The following MTMR9 variants were observed in gnomAD, a reference collection of about 807,000 sequenced individuals.
MTMR9 encodes the protein myotubularin related protein 9.
Under a neutral mutation model 69.5 loss-of-function variants are expected in MTMR9, and 39 were observed. The ratio of observed to expected loss-of-function variants is 0.56; its 90% CI spans 0.43 to 0.73. The LOEUF is 0.73. MTMR9 is among the 30% of genes least tolerant of loss of function. The pLI, the probability that MTMR9 is intolerant of heterozygous loss-of-function variation, is 0.00. For missense variants in MTMR9, 900 were observed against 671.2 expected (o/e 1.34, Z -3.77); for synonymous variants, 354 against 240.8 (o/e 1.47, Z -4.35).
At chr8:11,287,194 C>T (rs1259335160) in intron 1 of MTMR9, among the ~76,000 whole-genome samples, 2 of 152,146 alleles carry the variant, frequency 1.3e-5, no homozygotes, top group African/African-American at 2.4e-5. Flanking sequence ...GGCATATAGA[C>T]GCGTAGGAAA....
intron 6 of MTMR9, among the ~76,000 whole-genome samples, chr8:11,310,640 A>G (rs1585126013): frequency 6.6e-6 from 1 of 152,170 alleles, no homozygotes; most frequent in Non-Finnish European, 1.5e-5. Flanking sequence ...AACTGTGGGA[A>G]TTAAAGACCA....
intron 9 of MTMR9, chr8:11,320,204 G>T (rs1295593783): frequency 1.6e-5 from 3 of 187,990 alleles, no homozygotes; most frequent in Non-Finnish European, 3.3e-5. Context: ...CAGTCATTAG[G>T]ATAGGTTCTT....
intron 5 of MTMR9, among the ~76,000 whole-genome samples, chr8:11,308,861 A>G (rs1800072182): frequency 6.6e-6 from 1 of 152,116 alleles, no homozygotes; most frequent in African/African-American, 2.4e-5. Context: ...AGTCCCTTTC[A>G]CTAGCATTCT....
intron 6 of MTMR9, among the ~76,000 whole-genome samples, chr8:11,310,679 CATA>C (rs1563279378): frequency 6.6e-6 from 1 of 152,144 alleles, no homozygotes. Context: ...ATAACAAATA[CATA>C]ATGATTTTGT....
chr8:11,312,885 C>T (rs1424028535), intron 6 of MTMR9, among the ~76,000 whole-genome samples: 1 of 152,218 alleles, frequency 6.6e-6, no homozygotes, highest in African/African-American at 2.4e-5. Context: ...ACCTCTCCAT[C>T]AGAGCTCTTA....
In MTMR9 at chr8:11,309,462, T is replaced by C. The variant is rs1236529153; in HGVS notation, c.810-65T>C. 25 of 1,411,900 alleles carry C rather than the reference T, an allele frequency of 1.8e-5. No homozygotes were observed. In the East Asian group the frequency reaches 4.1e-4, roughly 23 times the overall value. 87.5% of individuals were successfully genotyped at this position (1,411,900 alleles called of 1,614,324 possible). On this transcript the variant is annotated intron_variant, in intron 5 of 9. Coordinates refer to ENST00000221086, the MANE Select transcript of MTMR9 (RefSeq NM_015458.4). ...TTAGATATGTTGGAGGCTGAATCTTTGGTTTGGTTTCTTTATCTTTCTATT... is the reference window on the plus strand; with the variant it reads ...TTAGATATGTTGGAGGCTGAATCTTCGGTTTGGTTTCTTTATCTTTCTATT...
At chr8:11,332,722 C>T (rs2117504638), downstream of MTMR9, among the ~76,000 whole-genome samples, 1 of 152,260 alleles carries the variant, frequency 6.6e-6, no homozygotes, top group East Asian at 1.9e-4. Flanking sequence ...CTACATCAGC[C>T]TCCCAAGTAG....
At chr8:11,299,597 C>G (rs1799680196) in intron 2 of MTMR9, among the ~76,000 whole-genome samples, 1 of 152,188 alleles carries the variant, frequency 6.6e-6, no homozygotes. Context: ...CTAACCCACC[C>G]TGATTTCAAA....
At chr8:11,333,574 C>G in the MTMR9 span, among the ~76,000 whole-genome samples, 1 of 152,050 alleles carries the variant, frequency 6.6e-6, no homozygotes, top group East Asian at 1.9e-4. Context: ...AGAAGTATCT[C>G]CACGACAGAT....
intron 2 of MTMR9, chr8:11,297,877 C>A (rs575329641): frequency 1.1e-5 from 5 of 456,240 alleles, no homozygotes; most frequent in Non-Finnish European, 2.2e-5. Flanking sequence ...GTGAACCTGT[C>A]CTCTATCCTT....
At chr8:11,331,605 C>T (rs1430472354), downstream of MTMR9, 1 of 1,613,514 alleles carries the variant, frequency 6.2e-7, no homozygotes, top group African/African-American at 1.3e-5. Flanking sequence ...GGGCAGCATC[C>T]TAGGACTAAT....
At chr8:11,303,283 G>A (rs1038933760) in intron 3 of MTMR9, among the ~76,000 whole-genome samples, 17 of 150,794 alleles carry the variant, frequency 1.1e-4, no homozygotes, top group African/African-American at 3.7e-4. Context: ...CAACAGAAGC[G>A]GCATTGCAGA....
At chr8:11,310,485 G>C (rs1481789415) in intron 6 of MTMR9, among the ~76,000 whole-genome samples, 2 of 152,120 alleles carry the variant, frequency 1.3e-5, no homozygotes, top group South Asian at 2.1e-4. Context: ...TATGGTTATA[G>C]AGAAATTCAT....
rs772789296 is a variant in MTMR9, at chr8:11,322,740, G to T, written c.1602G>T (p.Arg534Ser). 6.2e-7 allele frequency: 1 copy of T among 1,614,020 alleles called. No homozygotes were observed. The highest frequency in any genetic ancestry group is 8.5e-7 in the Non-Finnish European group (1 of 1,179,986). The change falls in exon 10 of 10, where the codon AGG becomes AGT. Residue 534 changes from arginine to serine, a missense_variant. Physicochemically the swap from Arg to Ser is moderately radical, Grantham distance 110. Coordinates refer to ENST00000221086, the MANE Select transcript of MTMR9 (RefSeq NM_015458.4). ...AAGCAAAAGTCAATATCCTTCGAAG[G>T]CAGTTGGCAGAACTGGAAACAGAGG... Reference protein sequence around the residue: ...ELQAKVNILRRQLAELETEDG... With the variant: ...ELQAKVNILRSQLAELETEDG...
the MTMR9 span, among the ~76,000 whole-genome samples, chr8:11,333,647 A>G: frequency 6.6e-6 from 1 of 152,192 alleles, no homozygotes. Context: ...ATCAGTTTTT[A>G]TTTTCCATAG....
At chr8:11,335,032 G>A in the MTMR9 span, among the ~76,000 whole-genome samples, 1 of 152,144 alleles carries the variant, frequency 6.6e-6, no homozygotes, top group South Asian at 2.1e-4. Flanking sequence ...ACAAGCATGT[G>A]CACTCTCACG....
chr8:11,329,489 T>C (rs1439947046), downstream of MTMR9, among the ~76,000 whole-genome samples: 1 of 152,226 alleles, frequency 6.6e-6, no homozygotes, highest in Admixed American at 6.5e-5. Context: ...GGTTTTCGTA[T>C]TTTTTTGGTG....
intron 3 of MTMR9, among the ~76,000 whole-genome samples, chr8:11,302,280 A>C (rs1799774050): frequency 1.1e-5 from 1 of 91,376 alleles, no homozygotes; most frequent in Admixed American, 1.5e-4. Flanking sequence ...AAAAAGAGGA[A>C]GACAAAAAAA....
At chr8:11,286,429 C>A (rs1799159802) in intron 1 of MTMR9, among the ~76,000 whole-genome samples, 5 of 151,562 alleles carry the variant, frequency 3.3e-5, no homozygotes, top group Admixed American at 3.3e-4. Flanking sequence ...CTTTGGGAGG[C>A]CAAGGTGAGC....
Sources: allele counts gnomAD v4.1 joint callset (sites outside exome capture counted in the v4.1 genomes callset), GRCh38; gene constraint gnomAD v4.1.1; transcripts MANE v1.5; gene names NCBI Gene and HGNC (gene_info 2026-07-23, HGNC 2026-07-21).